The following TMEM132C variants were observed in gnomAD, a reference collection of about 807,000 sequenced individuals.
TMEM132C encodes protein phosphatase 1, regulatory subunit 152.
Under a neutral mutation model 61.4 loss-of-function variants are expected in TMEM132C, and 29 were observed. The observed-to-expected ratio is 0.47, with a 90% CI of 0.35 to 0.64. TMEM132C has a LOEUF of 0.64. Ranked by LOEUF, TMEM132C falls within the 30% of genes least tolerant of loss-of-function variation. The probability of loss-of-function intolerance (pLI) is 0.00; values close to 1 mark genes in which losing one functional copy is unlikely to be tolerated. For missense variants in TMEM132C, 1,408 were observed against 1,476.9 expected, an observed-to-expected ratio of 0.95 and a Z score of 0.76; for synonymous variants, 656 against 633.1, an observed-to-expected ratio of 1.04 and a Z score of -0.54.
At chr12:128,321,313 T>C (rs1217147061) in intron 1 of TMEM132C, among the ~76,000 whole-genome samples, 2 of 152,106 alleles carry the variant, frequency 1.3e-5, no homozygotes, top group African/African-American at 4.8e-5. Context: ...AGGAGGAAAC[T>C]GTCGATACTC....
At chr12:128,515,192 G>C (rs1478610051) in intron 2 of TMEM132C, among the ~76,000 whole-genome samples, 1 of 152,208 alleles carries the variant, frequency 6.6e-6, no homozygotes, top group East Asian at 1.9e-4. Flanking sequence ...CGTGTAACCT[G>C]TTTCTAGCCA....
In TMEM132C at chr12:128,527,367, A is replaced by C. The variant is rs553007718; in HGVS notation, c.975-16590A>C. Among the ~76,000 whole-genome samples the C allele has an allele frequency of 2.5e-3, 380 of 152,284 alleles. 1 individual carries two copies. The highest frequency in any genetic ancestry group is 8.5e-3 in the African/African-American group (353 of 41,564). Reference sequence around the variant, plus strand: ...TTTTTACATACTTGCTGGGGAAAGCAACACTAGTGAGAGACCAGGGCTCCT... The same window carrying C: ...TTTTTACATACTTGCTGGGGAAAGCCACACTAGTGAGAGACCAGGGCTCCT... On this transcript the variant is annotated intron_variant, in intron 2 of 8. Coordinates refer to ENST00000435159, the MANE Select transcript of TMEM132C (RefSeq NM_001136103.3).
At chr12:128,548,260 C>G (rs1026512494) in intron 3 of TMEM132C, among the ~76,000 whole-genome samples, 2 of 152,242 alleles carry the variant, frequency 1.3e-5, no homozygotes, top group African/African-American at 4.8e-5. Context: ...TCTCATTACA[C>G]CACTTTCACT....
At chr12:128,537,438 A>T (rs1244694999) in intron 2 of TMEM132C, among the ~76,000 whole-genome samples, 2 of 152,190 alleles carry the variant, frequency 1.3e-5, no homozygotes, top group African/African-American at 4.8e-5. Context: ...CCAGGAACTC[A>T]GTTTTCAAGG....
chr12:128,319,126 C>G (rs7306120), intron 1 of TMEM132C, among the ~76,000 whole-genome samples: 73,950 of 152,104 alleles, frequency 0.49, 18,555 homozygotes, highest in Non-Finnish European at 0.54. Context: ...AGGATCTGGA[C>G]TCTCTGCTCG....
At chr12:128,370,364 A>G (rs1413281025) in intron 1 of TMEM132C, among the ~76,000 whole-genome samples, 1 of 152,174 alleles carries the variant, frequency 6.6e-6, no homozygotes, top group African/African-American at 2.4e-5. Flanking sequence ...ATGGGACAAC[A>G]TCCTAGCAAG....
At position 128,552,175 on chromosome 12, in the gene TMEM132C, A is replaced by G. The variant is rs148884570; in HGVS notation, c.1121+8072A>G. Among the ~76,000 whole-genome samples, 1,014 of 152,262 alleles carry G rather than the reference A, an allele frequency of 6.7e-3. 7 individuals carry two copies. The highest frequency in any genetic ancestry group is 0.014 in the Middle Eastern group (4 of 292). Reference sequence around the variant, plus strand: ...TTAGGTGCTGAACACCTTCACTTCAACCGGTTCACTTATGTGTCTCAAGTT... The same window carrying G: ...TTAGGTGCTGAACACCTTCACTTCAGCCGGTTCACTTATGTGTCTCAAGTT... On this transcript the variant is annotated intron_variant, in intron 3 of 8. Coordinates refer to ENST00000435159, the MANE Select transcript of TMEM132C (RefSeq NM_001136103.3).
chr12:128,347,951 T>C (rs1463197472), intron 1 of TMEM132C, among the ~76,000 whole-genome samples: 1 of 152,234 alleles, frequency 6.6e-6, no homozygotes, highest in Non-Finnish European at 1.5e-5. Flanking sequence ...ATGTGAGTTA[T>C]AGGATCAGCT....
chr12:128,364,031 C>A (rs1873786030), intron 1 of TMEM132C, among the ~76,000 whole-genome samples: 1 of 151,936 alleles, frequency 6.6e-6, no homozygotes, highest in Non-Finnish European at 1.5e-5. Context: ...TCAAACTCTG[C>A]CTTGAAGGGA....
chr12:128,608,683 T>G (rs1399889527), intron 3 of TMEM132C, among the ~76,000 whole-genome samples: 1 of 152,246 alleles, frequency 6.6e-6, no homozygotes, highest in Non-Finnish European at 1.5e-5. Context: ...TTAAAATCAC[T>G]TAAGTTTAAA....
At chr12:128,360,277 CA>C (rs1873660286) in intron 1 of TMEM132C, among the ~76,000 whole-genome samples, 7 of 139,460 alleles carry the variant, frequency 5.0e-5, no homozygotes, top group African/African-American at 1.8e-4. Context: ...CACACACACA[CA>C]CACCCCAGGA....
chr12:128,318,229 T>C (rs1325347103), intron 1 of TMEM132C, among the ~76,000 whole-genome samples: 2 of 152,196 alleles, frequency 1.3e-5, no homozygotes, highest in African/African-American at 4.8e-5. Flanking sequence ...AGTTTTGAGT[T>C]TCCTTTTCTT....
At chr12:128,451,797 A>G (rs921200318) in intron 2 of TMEM132C, among the ~76,000 whole-genome samples, 1 of 152,164 alleles carries the variant, frequency 6.6e-6, no homozygotes, top group Non-Finnish European at 1.5e-5. Flanking sequence ...TAGTCAATAC[A>G]TATTTATTAA....
chr12:128,334,465 C>T (rs150244627), intron 1 of TMEM132C, among the ~76,000 whole-genome samples: 2,784 of 152,284 alleles, frequency 0.018, 78 homozygotes, highest in African/African-American at 0.063. Context: ...ATCATCAACC[C>T]TCTTTAGAAG....
intron 1 of TMEM132C, among the ~76,000 whole-genome samples, chr12:128,371,343 T>C (rs1272039060): frequency 2.6e-5 from 4 of 152,180 alleles, no homozygotes; most frequent in Non-Finnish European, 5.9e-5. Context: ...CAGGAAGGCA[T>C]ATGACCCACG....
chr12:128,356,880 A>T (rs1873523155), intron 1 of TMEM132C, among the ~76,000 whole-genome samples: 1 of 152,180 alleles, frequency 6.6e-6, no homozygotes, highest in Non-Finnish European at 1.5e-5. Flanking sequence ...AAATGTGCTT[A>T]TTTCTACCTT....
chr12:128,474,969 G>A (rs77831203), intron 2 of TMEM132C, among the ~76,000 whole-genome samples: 9 of 152,054 alleles, frequency 5.9e-5, no homozygotes, highest in East Asian at 1.9e-4. Flanking sequence ...TTCTTTGCCC[G>A]GGACAATGAC....
intron 1 of TMEM132C, among the ~76,000 whole-genome samples, chr12:128,365,687 C>T (rs1478177157): frequency 6.6e-6 from 1 of 152,198 alleles, no homozygotes; most frequent in Non-Finnish European, 1.5e-5. Flanking sequence ...ATTGAGCTCT[C>T]AAACCAAATA....
At chr12:128,347,371 A>C (rs1873190792) in intron 1 of TMEM132C, among the ~76,000 whole-genome samples, 2 of 144,316 alleles carry the variant, frequency 1.4e-5, no homozygotes, top group Non-Finnish European at 1.5e-5. Context: ...TTTGTGAATT[A>C]TGCTGCCATA....
Sources: allele counts gnomAD v4.1 joint callset (sites outside exome capture counted in the v4.1 genomes callset), GRCh38; gene constraint gnomAD v4.1.1; transcripts MANE v1.5; gene names NCBI Gene and HGNC (gene_info 2026-07-23, HGNC 2026-07-21).